PIK3R6: variants seen among roughly 807,000 people sequenced by gnomAD.
The protein encoded by PIK3R6 is phosphoinositide-3-kinase regulatory subunit 6.
PIK3R6 carries 91 observed loss-of-function variants against 84.9 expected under a neutral mutation model. The ratio of observed to expected loss-of-function variants is 1.07; its 90% CI spans 0.90 to 1.28. The LOEUF (loss-of-function observed/expected upper bound fraction) is 1.28. Ranked by LOEUF, PIK3R6 falls within the 50% of genes most tolerant of loss-of-function variation. The pLI is 0.00. For missense variants in PIK3R6, 996 were observed against 985.1 expected, an observed-to-expected ratio of 1.01 and a Z score of -0.15; for synonymous variants, 416 against 411.4, an observed-to-expected ratio of 1.01 and a Z score of -0.13.
At chr17:8,820,511 C>T (rs1045680913) in intron 17 of PIK3R6, among the ~76,000 whole-genome samples, 2 of 152,152 alleles carry the variant, frequency 1.3e-5, no homozygotes, top group African/African-American at 4.8e-5. Context: ...GCCCATCTGG[C>T]CCTGGCACCG....
intron 1 of PIK3R6, among the ~76,000 whole-genome samples, chr17:8,854,811 C>A (rs901133899): frequency 6.6e-6 from 1 of 152,166 alleles, no homozygotes; most frequent in African/African-American, 2.4e-5. Flanking sequence ...AGATACAATA[C>A]CAAAGCATGA....
intron 1 of PIK3R6, among the ~76,000 whole-genome samples, chr17:8,864,489 A>C (rs557759099): frequency 6.7e-6 from 1 of 150,202 alleles, no homozygotes; most frequent in South Asian, 2.1e-4. Context: ...ACTTATAACT[A>C]ACAGATCCTT....
At chr17:8,863,092 T>C (rs563435907) in intron 1 of PIK3R6, among the ~76,000 whole-genome samples, 2 of 152,136 alleles carry the variant, frequency 1.3e-5, no homozygotes, top group East Asian at 3.9e-4. Flanking sequence ...TTAAATCGTA[T>C]ATGATAAGTG....
At chr17:8,831,725 T>A (rs1396729485) in intron 9 of PIK3R6, among the ~76,000 whole-genome samples, 3 of 152,194 alleles carry the variant, frequency 2.0e-5, no homozygotes, top group Non-Finnish European at 2.9e-5. Flanking sequence ...CTTAACCCCA[T>A]GCCTTATAAT....
Position 8,803,340 on chromosome 17 carries a change from T to C in PIK3R6, c.2198A>G (p.Glu733Gly), listed in dbSNP as rs2087097043. 6.2e-7 allele frequency: 1 copy of C among 1,613,572 alleles called. No homozygotes were observed. Among genetic ancestry groups the C allele is most frequent in the South Asian group, 1.1e-5 (1 of 91,064 alleles). The change falls in exon 20 of 20, where the codon GAA becomes GGA. Residue 733 changes from glutamate to glycine, a missense_variant. By Grantham distance (98) the Glu-to-Gly change is moderately conservative (BLOSUM62 -2). Coordinates refer to ENST00000619866, the MANE Select transcript of PIK3R6 (RefSeq NM_001010855.4). This position sits in a 1 kb window ranked among gnomAD's most constrained non-coding sequence, Gnocchi z 5.0. ...WLNLHGQQEV[E>G]AIKAKPKPLL... ...GGGCTTGGGCTTGGCTTTGATTGCT[T>C]CCACCTCCTGTTGCCCATGCAAATT...
In PIK3R6 at chr17:8,839,292, G is replaced by A. The variant is rs544588880; in HGVS notation, c.97+322C>T. On this transcript the variant is annotated intron_variant, in intron 3 of 19. Transcript: ENST00000619866. This position sits in a 1 kb window ranked among gnomAD's most constrained non-coding sequence, Gnocchi z 4.2. ...GAACCAGGGAGGCAGAGGTTGTGGT[G>A]AGCCGAGTTTGCACCACTGCACTGC... Among the ~76,000 whole-genome samples the A allele has an allele frequency of 3.3e-5, 5 of 152,154 alleles. No individual in the cohort carries two copies. The highest frequency in any genetic ancestry group is 7.2e-5 in the African/African-American group (3 of 41,488).
In PIK3R6 at chr17:8,811,743, T is replaced by G. The variant is rs572234166; in HGVS notation, c.1995+7340A>C. On this transcript the variant is annotated intron_variant, in intron 18 of 19. Coordinates refer to ENST00000619866, the MANE Select transcript of PIK3R6 (RefSeq NM_001010855.4). ...GAGACCACCTTAGCCTGGACTTTAT[T>G]GTCCATATCGCTATCAACATTTTGG... is the stretch of plus-strand genomic sequence containing the variant. Among the ~76,000 whole-genome samples the G allele has an allele frequency of 4.0e-5, 6 of 148,456 alleles. 1 individual carries two copies. Among genetic ancestry groups the G allele is most frequent in the African/African-American group, 1.0e-4 (4 of 39,842 alleles).
chr17:8,863,648 C>A (rs745964152), intron 1 of PIK3R6, among the ~76,000 whole-genome samples: 36 of 152,234 alleles, frequency 2.4e-4, no homozygotes, highest in Middle Eastern at 3.4e-3. Context: ...GACTCTCCTG[C>A]CTCAGCCTCC....
rs574987901 is a variant in PIK3R6, at chr17:8,823,707, G to A, written c.1516-210C>T. Among the ~76,000 whole-genome samples the A allele has an allele frequency of 7.2e-5, 11 of 152,238 alleles. No homozygotes were observed. The South Asian group carries it at 1.9e-3, about 26-fold the overall frequency. On this transcript the variant is annotated intron_variant, in intron 13 of 19. Coordinates refer to ENST00000619866, the MANE Select transcript of PIK3R6 (RefSeq NM_001010855.4). ...AGAGCCCTGCCTCCCTAGGGAATCC[G>A]ACTGATTTCAATCCTACAGAGACTA...
At chr17:8,838,459 C>G (rs1567599647) in intron 4 of PIK3R6, 105 bp downstream of exon 4, 6 of 1,006,054 alleles carry the variant, frequency 6.0e-6, no homozygotes, top group Non-Finnish European at 8.8e-6. Flanking sequence ...ATCATGCAGG[C>G]AACCAAAGCT....
chr17:8,840,751 T>TG (rs1555536533), intron 2 of PIK3R6, among the ~76,000 whole-genome samples: 1 of 147,666 alleles, frequency 6.8e-6, no homozygotes, highest in African/African-American at 2.5e-5. Context: ...ATTATTATTT[T>TG]TGTGTGTGTG....
chr17:8,830,497 T>C (rs1237473947), intron 9 of PIK3R6, among the ~76,000 whole-genome samples: 1 of 152,204 alleles, frequency 6.6e-6, no homozygotes, highest in Non-Finnish European at 1.5e-5. Context: ...TCCCCACTCA[T>C]GAGGCTGCAA....
At chr17:8,850,437 T>TC (rs1421746606) in intron 1 of PIK3R6, among the ~76,000 whole-genome samples, 1 of 151,954 alleles carries the variant, frequency 6.6e-6, no homozygotes, top group East Asian at 1.9e-4. Context: ...GTTCTATCTC[T>TC]CCCCCCTCCC....
intron 18 of PIK3R6, 73 bp from the exon 19 acceptor site, chr17:8,804,226 G>T: frequency 8.1e-7 from 1 of 1,235,362 alleles, no homozygotes; most frequent in Non-Finnish European, 1.2e-6. Flanking sequence ...GCCCTACCCT[G>T]GAATCTGGTG....
At chr17:8,828,067 C>A (rs1228609439) in intron 12 of PIK3R6, 45 bp downstream of exon 12, 1 of 1,586,960 alleles carries the variant, frequency 6.3e-7, no homozygotes, top group Non-Finnish European at 8.6e-7. Flanking sequence ...CCTGCCCAGC[C>A]TGCCCTGTCT....
chr17:8,848,778 C>A (rs1375442370), intron 2 of PIK3R6, among the ~76,000 whole-genome samples: 1 of 152,282 alleles, frequency 6.6e-6, no homozygotes, highest in Non-Finnish European at 1.5e-5. Flanking sequence ...CCAGGATTCA[C>A]TGGGGTTGCC....
At chr17:8,843,995 G>A (rs2088756823) in intron 2 of PIK3R6, among the ~76,000 whole-genome samples, 1 of 152,208 alleles carries the variant, frequency 6.6e-6, no homozygotes, top group Admixed American at 6.5e-5. Flanking sequence ...CAGCCCAAGG[G>A]TGGAGGTTGG....
intron 13 of PIK3R6, among the ~76,000 whole-genome samples, chr17:8,824,407 T>C (rs1567579643): frequency 6.6e-6 from 1 of 152,216 alleles, no homozygotes; most frequent in African/African-American, 2.4e-5. Context: ...AATGTGATAG[T>C]GTCAGGGCTA....
chr17:8,831,145 CAAAAAAAA>C (rs35954175), intron 9 of PIK3R6, among the ~76,000 whole-genome samples: 3 of 42,012 alleles, frequency 7.1e-5, no homozygotes, highest in Admixed American at 6.5e-4. Context: ...GATTGTGTCT[CAAAAAAAA>C]AAAAAAAAAA....
Sources: gnomAD v4.1 joint callset for allele counts (sites outside exome capture counted in the v4.1 genomes callset) on GRCh38, gnomAD v4.1.1 for gene constraint, Gnocchi (gnomAD v3.1) non-coding constraint, MANE v1.5 for transcripts, NCBI Gene and HGNC (gene_info 2026-07-23, HGNC 2026-07-21) for gene names.